The following CCSER1 variants were observed in gnomAD, a reference collection of about 807,000 sequenced individuals.
The protein encoded by CCSER1 is coiled-coil serine rich protein 1.
Under a neutral mutation model 82.0 loss-of-function variants are expected in CCSER1, and 41 were observed. The ratio of observed to expected loss-of-function variants is 0.50; its 90% confidence interval spans 0.39 to 0.65. The LOEUF is 0.65. CCSER1 is among the 30% of genes least tolerant of loss of function. The pLI, the probability that CCSER1 is intolerant of heterozygous loss-of-function variation, is 0.00. For missense variants in CCSER1, 1,119 were observed against 1,064.2 expected (o/e 1.05, Z -0.72); for synonymous variants, 414 against 383.9 (o/e 1.08, Z -0.92).
intron 7 of CCSER1, among the ~76,000 whole-genome samples, chr4:90,751,052 C>T (rs557444802): frequency 8.6e-5 from 13 of 151,928 alleles, no homozygotes; most frequent in Non-Finnish European, 1.5e-4. Flanking sequence ...AAAGATTTAA[C>T]GAAAGGTTCA....
At chr4:90,316,854 A>G (rs1328304219) in intron 3 of CCSER1, among the ~76,000 whole-genome samples, 1 of 152,218 alleles carries the variant, frequency 6.6e-6, no homozygotes, top group Non-Finnish European at 1.5e-5. Flanking sequence ...TCAAACATCA[A>G]ATGCCGAGAA....
chr4:90,985,337 G>C (rs531316666), intron 9 of CCSER1, among the ~76,000 whole-genome samples: 1 of 150,424 alleles, frequency 6.6e-6, no homozygotes, highest in East Asian at 2.0e-4. Context: ...TACCTTTACT[G>C]TTTAGAAAGC....
At chr4:90,875,092 A>G (rs1290099585) in intron 8 of CCSER1, among the ~76,000 whole-genome samples, 3 of 152,076 alleles carry the variant, frequency 2.0e-5, no homozygotes, top group East Asian at 1.9e-4. Context: ...CAAAAACTGC[A>G]TCATCTCTCT....
intron 4 of CCSER1, among the ~76,000 whole-genome samples, chr4:90,454,860 A>T (rs916181451): frequency 3.3e-5 from 5 of 152,172 alleles, no homozygotes; most frequent in African/African-American, 1.2e-4. Flanking sequence ...ATCTGCCTTA[A>T]GTTCCGTAGA....
rs55740232 is a variant in CCSER1 at position 91,435,814 on chromosome 4, C to A, written c.2218-162758C>A. On this transcript the variant is annotated intron_variant, in intron 10 of 10. Coordinates refer to ENST00000509176, the MANE Select transcript of CCSER1 (RefSeq NM_001145065.2). The stretch of plus-strand genomic sequence containing the variant: ...AACAATTCAACTTTCATTTGGAGTT[C>A]ATAGTTTTGAGCCCAGCCTATAATT... 7.8e-3 allele frequency among the ~76,000 whole-genome samples: 1,188 copies of A among 152,256 alleles called. 25 individuals are homozygous for A. The highest frequency in any genetic ancestry group is 0.027 in the African/African-American group (1,136 of 41,540).
At chr4:90,321,966 T>C (rs1361807272) in intron 3 of CCSER1, among the ~76,000 whole-genome samples, 2 of 152,176 alleles carry the variant, frequency 1.3e-5, no homozygotes, top group Non-Finnish European at 2.9e-5. Flanking sequence ...TCCTTTGCTG[T>C]GCAGAAGCTT....
At chr4:91,261,496 G>A (rs1741126003) in intron 10 of CCSER1, among the ~76,000 whole-genome samples, 4 of 152,316 alleles carry the variant, frequency 2.6e-5, no homozygotes, top group South Asian at 4.1e-4. Context: ...TGGAGTCATA[G>A]TACCTTTCAT....
At chr4:91,072,531 C>T (rs1721544786) in intron 9 of CCSER1, among the ~76,000 whole-genome samples, 1 of 152,068 alleles carries the variant, frequency 6.6e-6, no homozygotes, top group Non-Finnish European at 1.5e-5. Context: ...ATTAGGCTTA[C>T]TCATTTAATA....
At chr4:90,815,572 A>G (rs1758901328) in intron 7 of CCSER1, among the ~76,000 whole-genome samples, 190 bp from the exon 8 acceptor site, 1 of 147,762 alleles carries the variant, frequency 6.8e-6, no homozygotes, top group African/African-American at 2.4e-5. Context: ...GTAGCATAAA[A>G]GCATTTTTTG....
At chr4:90,487,701 A>C (rs1767327982) in intron 5 of CCSER1, among the ~76,000 whole-genome samples, 1 of 152,216 alleles carries the variant, frequency 6.6e-6, no homozygotes, top group Admixed American at 6.5e-5. Context: ...GCTGGAGTGC[A>C]GTGGCACAAT....
chr4:91,026,073 A>AT (rs567778046), intron 9 of CCSER1, among the ~76,000 whole-genome samples: 107 of 152,268 alleles, frequency 7.0e-4, no homozygotes, highest in African/African-American at 2.3e-3. Context: ...ATGGAAGGCT[A>AT]AACACATTCT....
chr4:90,615,357 G>A (rs1478700643), intron 5 of CCSER1, among the ~76,000 whole-genome samples: 1 of 152,174 alleles, frequency 6.6e-6, no homozygotes, highest in African/African-American at 2.4e-5. Context: ...AGTTGCCAGA[G>A]AGAGTGGTTC....
intron 10 of CCSER1, among the ~76,000 whole-genome samples, chr4:91,326,140 T>C (rs978729166): frequency 1.8e-4 from 28 of 152,216 alleles, no homozygotes; most frequent in Non-Finnish European, 7.3e-5. Flanking sequence ...TTAGCACATG[T>C]AGATCAAAAT....
intron 5 of CCSER1, among the ~76,000 whole-genome samples, chr4:90,479,841 G>A (rs1765662470): frequency 6.6e-6 from 1 of 152,142 alleles, no homozygotes; most frequent in Non-Finnish European, 1.5e-5. Context: ...AAACATACGT[G>A]TGCATGTGTC....
chr4:91,427,180 A>C (rs1176798159), intron 10 of CCSER1, among the ~76,000 whole-genome samples: 1 of 152,114 alleles, frequency 6.6e-6, no homozygotes, highest in Non-Finnish European at 1.5e-5. Context: ...CCACCACCAC[A>C]TTTATTTAAC....
At chr4:90,527,710 C>T (rs542839148) in intron 5 of CCSER1, among the ~76,000 whole-genome samples, 210 of 152,128 alleles carry the variant, frequency 1.4e-3, no homozygotes, top group African/African-American at 4.8e-3. Context: ...AAATTGCTAA[C>T]ATAAAAGACT....
intron 5 of CCSER1, among the ~76,000 whole-genome samples, chr4:90,562,815 G>C (rs1248438385): frequency 6.8e-6 from 1 of 147,692 alleles, no homozygotes; most frequent in Non-Finnish European, 1.5e-5. Context: ...TAGGATTATA[G>C]GCTTGAGCCA....
In CCSER1 at chr4:90,271,871, T is replaced by A. The variant is rs1399208777; in HGVS notation, c.-41-36373T>A. ...ATATATATATATATATATTTTTTTT[T>A]TTTTTTTTTTTTTTTTTTTAAAAGG... On this transcript the variant is annotated intron_variant, in intron 1 of 10. Coordinates refer to ENST00000509176, the MANE Select transcript of CCSER1 (RefSeq NM_001145065.2). 3.8e-3 allele frequency among the ~76,000 whole-genome samples: 329 copies of A among 87,520 alleles called. 4 individuals carry two copies. The highest frequency in any genetic ancestry group is 0.014 in the African/African-American group (230 of 16,034). 57.4% of individuals were successfully genotyped at this position (87,520 alleles called of 152,430 possible). A position where few individuals can be genotyped will look rare whatever the true frequency, so the allele number is the denominator to read the frequency against.
chr4:90,156,528 G>C lies in CCSER1; in HGVS notation c.-42+28697G>C, dbSNP rs573062954. Among the ~76,000 whole-genome samples the C allele has an allele frequency of 1.0e-3, 152 of 152,224 alleles. 1 individual carries two copies. The highest frequency in any genetic ancestry group is 2.1e-3 in the South Asian group (10 of 4,818). On this transcript the variant is annotated intron_variant, in intron 1 of 10. Transcript: ENST00000509176. Reference sequence around the variant, plus strand: ...AGTCTAAGTCTCTTTGTAGGTCACTGAGGACTTGCTTTATGAATCTGGGTG... The same window carrying C: ...AGTCTAAGTCTCTTTGTAGGTCACTCAGGACTTGCTTTATGAATCTGGGTG...
Sources: allele counts gnomAD v4.1 joint callset (sites outside exome capture counted in the v4.1 genomes callset), GRCh38; gene constraint gnomAD v4.1.1; transcripts MANE v1.5; gene names NCBI Gene and HGNC (gene_info 2026-07-23, HGNC 2026-07-21).